Variants in CDKN2B-AS1 observed in about 807,000 individuals in gnomAD.
CDKN2B-AS1 encodes CDKN2B and CDKN2A antisense cis and trans regulatory RNA 1, also known as CDKN2B antisense RNA 1 (non-protein coding).
chr9:22,091,969 T>C (rs1186764917), intron 4 of CDKN2B-AS1, among the ~76,000 whole-genome samples: 1 of 152,212 alleles, frequency 6.6e-6, no homozygotes, highest in African/African-American at 2.4e-5. Flanking sequence ...TTGTTATAGA[T>C]AGCTCTTATT....
At chr9:22,012,486 G>T (rs529489398) in intron 1 of CDKN2B-AS1, 2 of 678,214 alleles carry the variant, frequency 2.9e-6, no homozygotes, top group Admixed American at 3.6e-5. Flanking sequence ...GTCAATTGCC[G>T]CAAGAAGAAG....
intron 4 of CDKN2B-AS1, among the ~76,000 whole-genome samples, chr9:22,062,657 A>T (rs1322319599): frequency 6.6e-6 from 1 of 151,860 alleles, no homozygotes; most frequent in Non-Finnish European, 1.5e-5. Context: ...ATTTCCCCTA[A>T]GTGAGGTGAT....
chr9:22,083,666 G>A (rs1013711101), intron 4 of CDKN2B-AS1, among the ~76,000 whole-genome samples: 13 of 152,188 alleles, frequency 8.5e-5, no homozygotes, highest in African/African-American at 2.9e-4. Context: ...ATATTTAGAT[G>A]TTTGGGGTGG....
At chr9:22,020,599 G>A (rs1276737318) in intron 1 of CDKN2B-AS1, among the ~76,000 whole-genome samples, 5 of 152,092 alleles carry the variant, frequency 3.3e-5, no homozygotes, top group Non-Finnish European at 1.5e-5. Flanking sequence ...GTATCTCATT[G>A]TGGTTTTGAT....
intron 4 of CDKN2B-AS1, among the ~76,000 whole-genome samples, chr9:22,095,434 T>C (rs1358772886): frequency 2.7e-5 from 4 of 145,848 alleles, no homozygotes; most frequent in Non-Finnish European, 5.9e-5. Context: ...AGTTCTAGTT[T>C]GCACTGTGGT....
chr9:22,004,674 G>A (rs1294952498), intron 1 of CDKN2B-AS1: 3 of 232,572 alleles, frequency 1.3e-5, no homozygotes, highest in Non-Finnish European at 2.5e-5. Flanking sequence ...CCTTTAGTTT[G>A]TTCAGTGATA....
chr9:22,106,067 C>T (rs904507423), intron 4 of CDKN2B-AS1, among the ~76,000 whole-genome samples: 2 of 151,904 alleles, frequency 1.3e-5, no homozygotes, highest in Admixed American at 6.6e-5. Context: ...CCTGCCACCA[C>T]ATCTGGATAA....
rs895690142 is a variant in CDKN2B-AS1, at chr9:22,005,689, C to T, written n.29+10528C>T. On this transcript the variant is annotated intron_variant and non_coding_transcript_variant, in intron 1 of 4. Transcript: ENST00000650946. The surrounding 1 kb of genome is among the most constrained non-coding windows in gnomAD (Gnocchi z 4.9). ...GTCAAGGATTTCATATGCACTTTCC[C>T]TCAGAAAACCCTGAAAAGCAAACGA... The T allele has an allele frequency of 1.5e-5, 8 of 529,358 alleles. No individual in the cohort carries two copies. The highest frequency in any genetic ancestry group is 1.1e-4 in the African/African-American group (6 of 52,834). 32.8% of individuals were successfully genotyped at this position (529,358 alleles called of 1,614,324 possible).
chr9:22,082,353 C>A (rs2131331125), intron 4 of CDKN2B-AS1, among the ~76,000 whole-genome samples: 1 of 152,286 alleles, frequency 6.6e-6, no homozygotes, highest in South Asian at 2.1e-4. Flanking sequence ...ATAAAGTGTG[C>A]TAGTGGCTCA....
At chr9:22,024,854 G>T (rs576684618) in intron 1 of CDKN2B-AS1, among the ~76,000 whole-genome samples, 2 of 152,170 alleles carry the variant, frequency 1.3e-5, no homozygotes, top group Non-Finnish European at 2.9e-5. Flanking sequence ...CACTGGTCAG[G>T]CATGGCCCAC....
intron 4 of CDKN2B-AS1, among the ~76,000 whole-genome samples, chr9:22,083,519 T>C (rs945317936): frequency 1.4e-4 from 22 of 152,322 alleles, no homozygotes; most frequent in African/African-American, 5.1e-4. Context: ...TTTGTTTTTA[T>C]TTTTGAATGA....
chr9:22,018,769 A>G (rs547974085), intron 1 of CDKN2B-AS1, among the ~76,000 whole-genome samples: 1 of 152,256 alleles, frequency 6.6e-6, no homozygotes, highest in East Asian at 1.9e-4. Context: ...TAATGTGAAC[A>G]TGAAATCTTG....
intron 1 of CDKN2B-AS1, chr9:22,031,071 C>G: frequency 6.6e-6 from 1 of 152,082 alleles, no homozygotes; most frequent in East Asian, 1.9e-4. Context: ...ATTTTTTATG[C>G]AATCATTTGT....
Position 21,996,571 on chromosome 9 carries a change from GTACTTGTT to G in CDKN2B-AS1, n.29+1420_29+1427del, listed in dbSNP as rs1307207993. 1.3e-5 allele frequency among the ~76,000 whole-genome samples: 2 copies of G among 151,968 alleles called. No homozygotes were observed. Among genetic ancestry groups the G allele is most frequent in the African/African-American group, 4.8e-5 (2 of 41,340 alleles). On this transcript the variant is annotated intron_variant and non_coding_transcript_variant, in intron 1 of 4. Transcript: ENST00000650946. This position sits in a 1 kb window ranked among gnomAD's most constrained non-coding sequence, Gnocchi z 5.4. ...AGGACGAAGAGATTATTTTACTTAT[GTACTTGTT>G]TACTTGTTTGTTGTGTAGAATGTCA... is the stretch of plus-strand genomic sequence containing the variant.
chr9:22,044,767 T>A (rs1282384841), intron 1 of CDKN2B-AS1, among the ~76,000 whole-genome samples: 1 of 151,914 alleles, frequency 6.6e-6, no homozygotes, highest in Non-Finnish European at 1.5e-5. Flanking sequence ...CTTCTTTTTC[T>A]GCCAAATGAG....
chr9:22,001,580 TA>T lies in CDKN2B-AS1; in HGVS notation n.29+6421del, dbSNP rs1240862646. On this transcript the variant is annotated intron_variant and non_coding_transcript_variant, in intron 1 of 4. Coordinates refer to ENST00000650946, the Ensembl canonical transcript of CDKN2B-AS1. This position sits in a 1 kb window ranked among gnomAD's most constrained non-coding sequence, Gnocchi z 4.2. ...ACAATCCATGCCAATTACATATTAT[TA>T]ATTAGTGGCACTAGTATTAGTTCAT... Among the ~76,000 whole-genome samples the T allele has an allele frequency of 2.0e-5, 3 of 152,186 alleles. No individual in the cohort carries two copies. The highest frequency in any genetic ancestry group is 4.4e-5 in the Non-Finnish European group (3 of 67,988).
intron 4 of CDKN2B-AS1, among the ~76,000 whole-genome samples, chr9:22,103,199 G>C (rs1401990408): frequency 6.6e-6 from 1 of 150,598 alleles, no homozygotes; most frequent in Non-Finnish European, 1.5e-5. Context: ...GAGAGGGGAG[G>C]GGTGCCCAGA....
At chr9:22,102,528 T>C (rs1563983146) in intron 4 of CDKN2B-AS1, among the ~76,000 whole-genome samples, 2 of 152,140 alleles carry the variant, frequency 1.3e-5, no homozygotes, top group Non-Finnish European at 2.9e-5. Context: ...GGAGAATCTG[T>C]TCCTTGCCTC....
chr9:22,008,602 A>G, intron 1 of CDKN2B-AS1: 2 of 1,508,484 alleles, frequency 1.3e-6, no homozygotes, highest in Non-Finnish European at 1.8e-6. Context: ...AAAAGCTTAA[A>G]CAGTGGGTTT....
Sources: gnomAD v4.1 joint callset for allele counts (sites outside exome capture counted in the v4.1 genomes callset) on GRCh38, gnomAD v4.1.1 for gene constraint, Gnocchi (gnomAD v3.1) non-coding constraint, MANE v1.5 for transcripts, NCBI Gene and HGNC (gene_info 2026-07-23, HGNC 2026-07-21) for gene names.